Variants in GEN1 observed in about 807,000 individuals in gnomAD.
The protein encoded by GEN1 is GEN1 structure-specific endonuclease.
GEN1 carries 64 observed loss-of-function variants against 67.6 expected under a neutral mutation model. The ratio of observed to expected loss-of-function variants is 0.95; its 90% CI spans 0.77 to 1.17. GEN1 has a LOEUF of 1.17. Among genes scored for constraint, GEN1 ranks in the 50% most tolerant of loss-of-function variants. GEN1 has a pLI of 0.00. For synonymous variants in GEN1, 371 were observed against 359.4 expected (o/e 1.03, Z -0.37); for missense variants, 1,058 against 1,048.3 (o/e 1.01, Z -0.13).
At chr2:17,772,583 A>G (rs116651705) in intron 7 of GEN1, 51 bp from the exon 8 acceptor site, 28,350 of 1,520,736 alleles carry the variant, frequency 0.019, 328 homozygotes, top group African/African-American at 0.036. Context: ...GTATGTAGAA[A>G]GTAATTATAA....
Position 17,782,467 on chromosome 2 carries a change from A to G in GEN1, c.*528A>G, listed in dbSNP as rs1243250585. ...ATTATAACTCTTTTTCCTAAGAGTT[A>G]TATTCTCCCTCAGTTTGAAGATACC... is the stretch of plus-strand genomic sequence containing the variant. On this transcript the variant is annotated 3_prime_UTR_variant, in exon 14 of 14. Coordinates refer to ENST00000381254, the MANE Select transcript of GEN1 (RefSeq NM_001130009.3). 2.0e-5 allele frequency: 3 copies of G among 152,216 alleles called. No homozygotes were observed. Among genetic ancestry groups the G allele is most frequent in the Non-Finnish European group, 4.4e-5 (3 of 68,064 alleles). The allele number at this position is 152,216 out of a possible 1,614,324, so 9.4% of individuals were successfully genotyped here.
intron 3 of GEN1, among the ~76,000 whole-genome samples, chr2:17,763,596 C>T (rs2125125293): frequency 6.6e-6 from 1 of 152,204 alleles, no homozygotes; most frequent in East Asian, 1.9e-4. Context: ...CCAATACCAC[C>T]TCCACCCCAC....
chr2:17,771,858 A>AT (rs1231229072), intron 7 of GEN1, among the ~76,000 whole-genome samples: 1 of 151,526 alleles, frequency 6.6e-6, no homozygotes, highest in Non-Finnish European at 1.5e-5. Context: ...AGAGATTAGG[A>AT]TATCATGTTA....
chr2:17,782,197 G>T lies in GEN1; in HGVS notation c.*258G>T, dbSNP rs977669130. The stretch of plus-strand genomic sequence containing the variant: ...CCTTAATTGTAGTTTTAAAATATTG[G>T]TATAGTACTTGACAGAGTAAATACT... On this transcript the variant is annotated 3_prime_UTR_variant, in exon 14 of 14. Coordinates refer to ENST00000381254, the MANE Select transcript of GEN1 (RefSeq NM_001130009.3). 1.0e-5 allele frequency: 3 copies of T among 290,502 alleles called. No individual in the cohort carries two copies. The highest frequency in any genetic ancestry group is 1.3e-5 in the Non-Finnish European group (2 of 157,560). 18.0% of individuals were successfully genotyped at this position (290,502 alleles called of 1,614,324 possible).
rs900790674 is a variant in GEN1 at position 17,786,202 on chromosome 2, A to G, written c.*4263A>G. The G allele has an allele frequency of 1.3e-5, 2 of 152,220 alleles. No individual in the cohort carries two copies. Among genetic ancestry groups the G allele is most frequent in the African/African-American group, 4.8e-5 (2 of 41,466 alleles). 9.4% of individuals were successfully genotyped at this position (152,220 alleles called of 1,614,324 possible). ...CTGCCACCATTGACACATTCTAGGGACTCAGTAAATTGTAGCTGTGTCCGA... is the reference window on the plus strand; with the variant it reads ...CTGCCACCATTGACACATTCTAGGGGCTCAGTAAATTGTAGCTGTGTCCGA... On this transcript the variant is annotated 3_prime_UTR_variant, in exon 14 of 14. Coordinates refer to ENST00000381254, the MANE Select transcript of GEN1 (RefSeq NM_001130009.3).
Position 17,787,189 on chromosome 2 carries a change from A to G in GEN1, c.*5250A>G, listed in dbSNP as rs1431971592. 4 of 152,196 alleles carry G rather than the reference A, an allele frequency of 2.6e-5. No individual in the cohort carries two copies. The highest frequency in any genetic ancestry group is 5.9e-5 in the Non-Finnish European group (4 of 68,028). 9.4% of individuals were successfully genotyped at this position (152,196 alleles called of 1,614,324 possible). ...ATTATTTGCTCTATACGTGTCCCCA[A>G]AGAAATTACCCATACATTCATCAGA... On this transcript the variant is annotated 3_prime_UTR_variant, in exon 14 of 14. Transcript: ENST00000381254.
At position 17,778,367 on chromosome 2, in the gene GEN1, TATAC is replaced by T. The variant is rs1208702893; in HGVS notation, c.1264+306_1264+309del. Among the ~76,000 whole-genome samples the T allele has an allele frequency of 3.9e-3, 119 of 30,498 alleles. 11 individuals are homozygous for T. The highest frequency in any genetic ancestry group is 0.014 in the African/African-American group (104 of 7,440). 20.0% of individuals were successfully genotyped at this position (30,498 alleles called of 152,430 possible). ...ACACACATGTGTGTACATATATGTATATACACACACATATATGTGTGTACATATA... is the reference window on the plus strand; with the variant it reads ...ACACACATGTGTGTACATATATGTATACACACATATATGTGTGTACATATA... On this transcript the variant is annotated intron_variant, in intron 12 of 13. Coordinates refer to ENST00000381254, the MANE Select transcript of GEN1 (RefSeq NM_001130009.3).
rs1671870948 is a variant in GEN1, at chr2:17,765,226, C to T, written c.525+153C>T. On this transcript the variant is annotated intron_variant, in intron 4 of 13. Coordinates refer to ENST00000381254, the MANE Select transcript of GEN1 (RefSeq NM_001130009.3). ...TGCTTACTGTTATTAAAAATCATTG[C>T]CACATAGTTCATTCTCTTCAAAATG... 9 of 637,596 alleles carry T rather than the reference C, an allele frequency of 1.4e-5. No individual in the cohort carries two copies. The East Asian group carries it at 2.6e-4, about 19-fold the overall frequency. 39.5% of individuals were successfully genotyped at this position (637,596 alleles called of 1,614,324 possible). A position where few individuals can be genotyped will look rare whatever the true frequency, so the allele number is the denominator to read the frequency against.
chr2:17,765,538 C>A (rs1671888642), intron 4 of GEN1, among the ~76,000 whole-genome samples: 1 of 152,178 alleles, frequency 6.6e-6, no homozygotes, highest in African/African-American at 2.4e-5. Flanking sequence ...TGGAGAGATA[C>A]TGCTGGGAGA....
chr2:17,769,058 C>T (rs192537695), intron 6 of GEN1, among the ~76,000 whole-genome samples: 23 of 151,870 alleles, frequency 1.5e-4, no homozygotes, highest in Admixed American at 9.2e-4. Context: ...CTCACTGTGT[C>T]GCCTAGGCTG....
At position 17,773,298 on chromosome 2, in the gene GEN1, A is replaced by G. The variant is rs201049373; in HGVS notation, c.1070A>G (p.Gln357Arg). 7.7e-6 allele frequency: 12 copies of G among 1,557,702 alleles called. No individual in the cohort carries two copies. The East Asian group carries it at 9.0e-5, about 12-fold the overall frequency. Reference sequence around the variant, plus strand: ...CAAAGACCTGATTTGTTATTGTTTCAGGTATCTGAAAATAAATTCTTCTTT... The same window carrying G: ...CAAAGACCTGATTTGTTATTGTTTCGGGTATCTGAAAATAAATTCTTCTTT... ...RYQRPDLLLF[Q>R]RFTLEKMEWP... is the part of the protein sequence containing the mutation. Residue 357 changes from glutamine (Q) to arginine (R), a missense_variant and splice_region_variant, in exon 10 of 14, where the codon CAG becomes CGG. By Grantham distance (43) the Gln-to-Arg change is conservative. Transcript: ENST00000381254.
At chr2:17,775,363 ACT>A (rs2125154355) in intron 11 of GEN1, among the ~76,000 whole-genome samples, 1 of 152,262 alleles carries the variant, frequency 6.6e-6, no homozygotes, top group South Asian at 2.1e-4. Context: ...GATCTCAAAG[ACT>A]CTCATATAAA....
intron 3 of GEN1, among the ~76,000 whole-genome samples, chr2:17,762,790 A>T (rs1238606200): frequency 6.6e-6 from 1 of 152,212 alleles, no homozygotes; most frequent in African/African-American, 2.4e-5. Context: ...AATTTTAGAT[A>T]AAATTACCCA....
intron 3 of GEN1, among the ~76,000 whole-genome samples, chr2:17,762,530 T>G (rs1303564528): frequency 6.6e-6 from 1 of 152,080 alleles, no homozygotes; most frequent in Non-Finnish European, 1.5e-5. Flanking sequence ...TTCAAATGTG[T>G]GTATTTTTAA....
At chr2:17,769,516 A>G (rs573825433) in intron 6 of GEN1, among the ~76,000 whole-genome samples, 9 of 152,328 alleles carry the variant, frequency 5.9e-5, no homozygotes, top group African/African-American at 2.2e-4. Flanking sequence ...GATAAACATG[A>G]CATTAAAATA....
Position 17,772,789 on chromosome 2 carries a change from G to A in GEN1, c.953+5G>A. 2 of 1,600,238 alleles carry A rather than the reference G, an allele frequency of 1.2e-6. No homozygotes were observed. Reference sequence around the variant, plus strand: ...AGTAGAGAACAATATTAAGAAGTAAGTTTTTTTAAAAACTCATGATTTTTC... The same window carrying A: ...AGTAGAGAACAATATTAAGAAGTAAATTTTTTTAAAAACTCATGATTTTTC... On this transcript the variant is annotated splice_donor_5th_base_variant and intron_variant, in intron 8 of 13. Coordinates refer to ENST00000381254, the MANE Select transcript of GEN1 (RefSeq NM_001130009.3).
Position 17,766,660 on chromosome 2 carries a change from A to G in GEN1, c.607A>G (p.Ile203Val), listed in dbSNP as rs10177628. The change falls in exon 5 of 14, where the codon ATA becomes GTA. Residue 203 changes from isoleucine to valine, a missense_variant. By Grantham distance (29) the Ile-to-Val change is conservative. Transcript: ENST00000381254. ...LDRDALVGLA[I>V]LLGCDYLPKG... is the part of the protein sequence containing the mutation. ...TAGAGATGCTCTGGTTGGATTAGCA[A>G]TACTTCTTGGCTGTGATTATCTCCC... is the stretch of plus-strand genomic sequence containing the variant. 17,812 of 1,601,154 alleles carry G rather than the reference A, an allele frequency of 0.011. 607 individuals carry two copies. In the African/African-American group the frequency reaches 0.11, roughly 10 times the overall value.
At chr2:17,775,055 C>A (rs186304651) in intron 11 of GEN1, among the ~76,000 whole-genome samples, 352 of 152,176 alleles carry the variant, frequency 2.3e-3, no homozygotes, top group African/African-American at 8.2e-3. Context: ...TTAAAATCAA[C>A]AATTGCGTCA....
chr2:17,780,753 A>C lies in GEN1; in HGVS notation c.1541A>C (p.Asp514Ala), dbSNP rs1307891761. 2.5e-6 allele frequency: 4 copies of C among 1,613,894 alleles called. No homozygotes were observed. In the African/African-American group the frequency reaches 5.3e-5, roughly 22 times the overall value. ...NSKLNSGISPDPTLPQESISA... is the reference protein window; with the variant it reads ...NSKLNSGISPAPTLPQESISA... Reference sequence around the variant, plus strand: ...AAGTTAAATTCGGGGATTTCCCCTGATCCTACATTACCACAGGAATCTATT... The same window carrying C: ...AAGTTAAATTCGGGGATTTCCCCTGCTCCTACATTACCACAGGAATCTATT... The change falls in exon 14 of 14, where the codon GAT becomes GCT. Residue 514 changes from aspartate to alanine, a missense_variant. Transcript: ENST00000381254.
Sources: gnomAD v4.1 joint callset for allele counts (sites outside exome capture counted in the v4.1 genomes callset) on GRCh38, gnomAD v4.1.1 for gene constraint, MANE v1.5 for transcripts, NCBI Gene and HGNC (gene_info 2026-07-23, HGNC 2026-07-21) for gene names.